Variants in AHCYL1 observed in about 807,000 individuals in gnomAD.
AHCYL1 encodes adenosylhomocysteinase like 1.
In AHCYL1, 20 loss-of-function variants were observed where a neutral mutation model predicts 79.3. The observed-to-expected ratio is 0.25, with a 90% CI of 0.18 to 0.37. AHCYL1 has a LOEUF of 0.37. AHCYL1 is among the 10% of genes least tolerant of loss of function. The pLI, the probability that AHCYL1 is intolerant of heterozygous loss-of-function variation, is 1.00. For missense variants in AHCYL1, 330 were observed against 673.6 expected (o/e 0.49, Z 5.65); for synonymous variants, 223 against 242.2 (o/e 0.92, Z 0.74).
chr1:110,022,422 A>G lies in AHCYL1; in HGVS notation c.*742A>G, dbSNP rs1004899124. On this transcript the variant is annotated 3_prime_UTR_variant, in exon 17 of 17. Transcript: ENST00000369799. ...AAAATTAAGGAGAATTTTTGGTGTTAATGCTGAGGAATTGCTTGAGTGGTT... is the reference window on the plus strand; with the variant it reads ...AAAATTAAGGAGAATTTTTGGTGTTGATGCTGAGGAATTGCTTGAGTGGTT... 2 of 151,948 alleles carry G rather than the reference A, an allele frequency of 1.3e-5. No homozygotes were observed. Among genetic ancestry groups the G allele is most frequent in the African/African-American group, 4.8e-5 (2 of 41,326 alleles). The allele number at this position is 151,948 out of a possible 1,614,324, so 9.4% of individuals were successfully genotyped here.
chr1:109,985,082 C>T lies in AHCYL1; in HGVS notation c.30C>T (p.Pro10=), dbSNP rs1194755173. 6 of 1,606,432 alleles carry T rather than the reference C, an allele frequency of 3.7e-6. No individual in the cohort carries two copies. The highest frequency in any genetic ancestry group is 4.5e-5 in the East Asian group (2 of 44,186). ...CGATGCCTGACGCGATGCCGCTGCC[C>T]GGGGTCGGGGAGGAGCTGAAGCAGG... MSMPDAMPL[P]GVGEELKQAK... The change falls in exon 1 of 17, where the codon CCC becomes CCT. Residue 10 remains proline (P), a synonymous_variant. Coordinates refer to ENST00000369799, the MANE Select transcript of AHCYL1 (RefSeq NM_006621.7).
At position 110,018,599 on chromosome 1, in the gene AHCYL1, G is replaced by A. The variant is rs761020297; in HGVS notation, c.1266G>A (p.Gln422=). The A allele has an allele frequency of 7.4e-6, 12 of 1,613,992 alleles. No homozygotes were observed. In the South Asian group the frequency reaches 1.2e-4, roughly 16 times the overall value. The change falls in exon 13 of 17, where the codon CAG becomes CAA. Residue 422 remains glutamine (Q), a synonymous_variant. Coordinates refer to ENST00000369799, the MANE Select transcript of AHCYL1 (RefSeq NM_006621.7). ...PELTWERVRS[Q]VDHVIWPDGK... ...TGACGTGGGAGCGAGTACGTTCTCA[G>A]GTGGACCATGTCATCTGGCCAGATG...
intron 1 of AHCYL1, among the ~76,000 whole-genome samples, chr1:109,999,013 T>C (rs1161723117): frequency 1.3e-5 from 2 of 152,036 alleles, no homozygotes; most frequent in Non-Finnish European, 2.9e-5. Flanking sequence ...AAAGATTAGC[T>C]GGGCACGGTG....
intron 1 of AHCYL1, among the ~76,000 whole-genome samples, chr1:110,001,744 G>T (rs191685097): frequency 2.8e-4 from 43 of 152,322 alleles, no homozygotes; most frequent in African/African-American, 9.6e-4. Context: ...ACTTCTCTGA[G>T]TGTACCTTTT....
intron 1 of AHCYL1, among the ~76,000 whole-genome samples, chr1:110,003,594 GTACT>G (rs1650452845): frequency 6.6e-6 from 1 of 152,004 alleles, no homozygotes; most frequent in Non-Finnish European, 1.5e-5. Flanking sequence ...TCAGTCACCT[GTACT>G]GATTTTTTTT....
intron 1 of AHCYL1, among the ~76,000 whole-genome samples, chr1:109,990,471 T>G (rs1649699487): frequency 6.6e-6 from 1 of 152,234 alleles, no homozygotes; most frequent in African/African-American, 2.4e-5. Flanking sequence ...GTGGCCACCC[T>G]ATTTATAACT....
intron 1 of AHCYL1, among the ~76,000 whole-genome samples, chr1:109,999,062 C>T (rs1650171107): frequency 2.0e-5 from 3 of 151,988 alleles, no homozygotes; most frequent in South Asian, 4.1e-4. Context: ...GAGGCTGAGG[C>T]TGGATGATTG....
chr1:110,008,905 A>G (rs767513837), intron 1 of AHCYL1, 129 bp from the exon 2 acceptor site: 3 of 623,394 alleles, frequency 4.8e-6, no homozygotes, highest in Non-Finnish European at 8.1e-6. Context: ...TTCTGGTGGG[A>G]AAGTTGCTGG....
chr1:109,999,527 T>G lies in AHCYL1; in HGVS notation c.121-9507T>G, dbSNP rs1381868254. On this transcript the variant is annotated intron_variant, in intron 1 of 16. Transcript: ENST00000369799. ...AGATTGCACATAAAAGTGAGATTAT[T>G]TAATTGATTACTTTAAATAAATATC... Among the ~76,000 whole-genome samples, 5 of 152,232 alleles carry G rather than the reference T, an allele frequency of 3.3e-5. No individual in the cohort carries two copies. In the East Asian group the frequency reaches 5.8e-4, roughly 18 times the overall value.
chr1:110,000,222 A>G (rs538761911), intron 1 of AHCYL1, among the ~76,000 whole-genome samples: 3 of 152,380 alleles, frequency 2.0e-5, no homozygotes, highest in South Asian at 2.1e-4. Context: ...CAATTTGACC[A>G]TACTAAACTA....
chr1:110,004,887 G>A (rs1650548391), intron 1 of AHCYL1, among the ~76,000 whole-genome samples: 1 of 152,176 alleles, frequency 6.6e-6, no homozygotes, highest in South Asian at 2.1e-4. Flanking sequence ...GAAAATATGT[G>A]TGAAAAAGGG....
chr1:109,999,781 A>T (rs1650212748), intron 1 of AHCYL1, among the ~76,000 whole-genome samples: 1 of 151,822 alleles, frequency 6.6e-6, no homozygotes, highest in Admixed American at 6.6e-5. Context: ...TTTTGGAGAC[A>T]GGGTCTTGCT....
chr1:109,989,840 G>A (rs1363136723), intron 1 of AHCYL1, among the ~76,000 whole-genome samples: 1 of 152,192 alleles, frequency 6.6e-6, no homozygotes, highest in Non-Finnish European at 1.5e-5. Context: ...CTAATGAGGT[G>A]CGTCAGAAGC....
chr1:110,004,585 GTTTC>G (rs1650527654), intron 1 of AHCYL1: 2 of 787,032 alleles, frequency 2.5e-6, no homozygotes, highest in South Asian at 5.8e-5. Context: ...ATTGATAACT[GTTTC>G]TTTGGGTTCA....
At chr1:109,989,188 C>G (rs1243343725) in intron 1 of AHCYL1, among the ~76,000 whole-genome samples, 3 of 152,132 alleles carry the variant, frequency 2.0e-5, no homozygotes, top group Non-Finnish European at 4.4e-5. Context: ...GTTAGTTACA[C>G]TCTAGTTTCC....
At chr1:110,003,342 T>C (rs1301031879) in intron 1 of AHCYL1, among the ~76,000 whole-genome samples, 3 of 152,126 alleles carry the variant, frequency 2.0e-5, no homozygotes, top group Non-Finnish European at 4.4e-5. Flanking sequence ...TGTATGTGTA[T>C]ATATATAGAG....
intron 1 of AHCYL1, among the ~76,000 whole-genome samples, chr1:110,000,109 A>G (rs912017824): frequency 1.3e-5 from 2 of 152,336 alleles, no homozygotes; most frequent in Admixed American, 1.3e-4. Flanking sequence ...AAGCACATTT[A>G]AAGTATATTC....
In AHCYL1 at chr1:109,988,577, A is replaced by C. The variant is rs563793986; in HGVS notation, c.120+3405A>C. Reference sequence around the variant, plus strand: ...GATTCTTTTTTCATAGTGTAAACCCAAATCTCCAACTTGTTGGAGAGCTCT... The same window carrying C: ...GATTCTTTTTTCATAGTGTAAACCCCAATCTCCAACTTGTTGGAGAGCTCT... On this transcript the variant is annotated intron_variant, in intron 1 of 16. Transcript: ENST00000369799. 3.3e-5 allele frequency among the ~76,000 whole-genome samples: 5 copies of C among 152,260 alleles called. No individual in the cohort carries two copies. In the South Asian group the frequency reaches 1.0e-3, roughly 32 times the overall value.
chr1:110,015,541 T>G lies in AHCYL1; in HGVS notation c.782+10T>G, dbSNP rs1447990295. On this transcript the variant is annotated intron_variant, in intron 7 of 16. Transcript: ENST00000369799. ...TGACTGGTGTTCACAGGTAACAGAT[T>G]CTGGAGTAGCTGCCCCTTGTGTCCT... is the stretch of plus-strand genomic sequence containing the variant. 4 of 1,611,844 alleles carry G rather than the reference T, an allele frequency of 2.5e-6. No individual in the cohort carries two copies. The African/African-American group carries it at 5.3e-5, about 22-fold the overall frequency.
Sources: allele counts gnomAD v4.1 joint callset (sites outside exome capture counted in the v4.1 genomes callset), GRCh38; gene constraint gnomAD v4.1.1; transcripts MANE v1.5; gene names NCBI Gene and HGNC (gene_info 2026-07-23, HGNC 2026-07-21).